Variants in ABLIM1 observed in about 807,000 individuals in gnomAD.
ABLIM1 encodes actin-binding LIM protein 1.
In ABLIM1, 40 loss-of-function variants were observed where a neutral mutation model predicts 107.0. The ratio of observed to expected loss-of-function variants is 0.37; its 90% CI spans 0.29 to 0.49. The LOEUF (loss-of-function observed/expected upper bound fraction) is 0.49, where lower values mean the gene tolerates loss of function less well. Ranked by LOEUF, ABLIM1 falls within the 20% of genes least tolerant of loss-of-function variation. ABLIM1 has a pLI of 0.97. For missense variants in ABLIM1, 857 were observed against 1,008.5 expected (o/e 0.85, Z 2.04); for synonymous variants, 357 against 357.3 (o/e 1.00, Z 0.01).
In ABLIM1 at chr10:114,690,486, C is replaced by T. The variant is rs190147811; in HGVS notation, c.-213+77575G>A. The T allele has an allele frequency of 2.4e-5, 37 of 1,566,128 alleles. No individual in the cohort carries two copies. In the East Asian group the frequency reaches 4.0e-4, roughly 17 times the overall value. On this transcript the variant is annotated intron_variant, in intron 1 of 15. Transcript: ENST00000651092. ...AAACCCTGGAATAATTCTGTGAAAG[C>T]GGGAGCCCTTACAACCAAATCCTTT...
the ABLIM1 span, among the ~76,000 whole-genome samples, chr10:114,783,898 C>A: frequency 5.9e-5 from 9 of 151,908 alleles, no homozygotes; most frequent in African/African-American, 2.2e-4. Flanking sequence ...TGAGAGGGAG[C>A]ATAAAATAAA....
At chr10:114,571,844 TGGG>T (rs2071727422) in intron 3 of ABLIM1, among the ~76,000 whole-genome samples, 1 of 152,194 alleles carries the variant, frequency 6.6e-6, no homozygotes. Context: ...TTCAGTTCCC[TGGG>T]ACCGTGCCTA....
intron 7 of ABLIM1, among the ~76,000 whole-genome samples, chr10:114,491,012 G>GTGTGTATATATATA: frequency 2.8e-3 from 261 of 92,344 alleles, no homozygotes; most frequent in Middle Eastern, 0.011. Context: ...GTGTGTGTGT[G>GTGTGTATATATATA]TATATATATA....
At chr10:114,525,805 C>A (rs1311599877) in intron 6 of ABLIM1, among the ~76,000 whole-genome samples, 2 of 152,206 alleles carry the variant, frequency 1.3e-5, no homozygotes, top group Non-Finnish European at 2.9e-5. Context: ...CGACCACACT[C>A]CTGCTGGCTT....
chr10:114,630,421 AC>A (rs569172400), intron 1 of ABLIM1, among the ~76,000 whole-genome samples: 134 of 152,252 alleles, frequency 8.8e-4, no homozygotes, highest in East Asian at 7.7e-4. Context: ...TATTAGAAGC[AC>A]CTTTATTCAC....
chr10:114,694,861 C>T (rs1035141862), intron 1 of ABLIM1, among the ~76,000 whole-genome samples: 2 of 152,182 alleles, frequency 1.3e-5, no homozygotes, highest in Non-Finnish European at 1.5e-5. Flanking sequence ...ATAGCTAGCT[C>T]TACCATCTTC....
chr10:114,522,262 TTTAGAA>T (rs1466461849), intron 6 of ABLIM1, among the ~76,000 whole-genome samples: 5 of 152,210 alleles, frequency 3.3e-5, no homozygotes, highest in African/African-American at 1.2e-4. Flanking sequence ...TTCCTCATGC[TTTAGAA>T]CTCTTTTCAA....
chr10:114,507,906 TC>T (rs1311862443), intron 6 of ABLIM1, among the ~76,000 whole-genome samples: 1 of 152,144 alleles, frequency 6.6e-6, no homozygotes, highest in Admixed American at 6.5e-5. Flanking sequence ...AGTAAAGGCA[TC>T]CAGGTACTCC....
intron 1 of ABLIM1, among the ~76,000 whole-genome samples, chr10:114,747,043 T>C (rs1220140883): frequency 6.6e-6 from 1 of 152,236 alleles, no homozygotes; most frequent in Admixed American, 6.5e-5. Flanking sequence ...ATAGATTGTT[T>C]CTTCACTCTG....
In ABLIM1 at chr10:114,730,794, T is replaced by G. The variant is rs564148004; in HGVS notation, c.-213+37267A>C. Among the ~76,000 whole-genome samples, 5 of 152,228 alleles carry G rather than the reference T, an allele frequency of 3.3e-5. No individual in the cohort carries two copies. The East Asian group carries it at 9.7e-4, about 29-fold the overall frequency. On this transcript the variant is annotated intron_variant, in intron 1 of 15. Coordinates refer to the ABLIM1 transcript ENST00000651092. ...ATTTCATCACACCAAAATAAAACCT[T>G]GTGTCCATTTGCAGTCACTCCTCAT...
At chr10:114,579,982 G>A (rs143709458) in intron 2 of ABLIM1, among the ~76,000 whole-genome samples, 150 of 152,132 alleles carry the variant, frequency 9.9e-4, no homozygotes, top group Non-Finnish European at 1.8e-3. Context: ...AGACTAGATC[G>A]GTGTTGGACA....
intron 1 of ABLIM1, among the ~76,000 whole-genome samples, chr10:114,638,858 G>T (rs2078607408): frequency 6.6e-6 from 1 of 152,084 alleles, no homozygotes; most frequent in African/African-American, 2.4e-5. Flanking sequence ...CATAACCTTG[G>T]TCTGTGGCAC....
intron 4 of ABLIM1, among the ~76,000 whole-genome samples, chr10:114,558,993 A>G (rs1295546821): frequency 1.3e-5 from 2 of 151,242 alleles, no homozygotes; most frequent in Non-Finnish European, 2.9e-5. Context: ...TATAGAATGA[A>G]CCATCACCCT....
rs2059267063 is a variant in ABLIM1, at chr10:114,435,349, G to T, written c.*911C>A. ...TCAGTAGGACATGGGACTTGTTTTT[G>T]TTTTTTGCTTTTTGGTTTTTTTTGG... On this transcript the variant is annotated 3_prime_UTR_variant, in exon 23 of 23. Transcript: ENST00000533213. The T allele has an allele frequency of 6.6e-6, 1 of 152,166 alleles. No individual in the cohort carries two copies. The highest frequency in any genetic ancestry group is 1.5e-5 in the Non-Finnish European group (1 of 68,030). The allele number at this position is 152,166 out of a possible 1,614,324, so 9.4% of individuals were successfully genotyped here.
chr10:114,499,861 C>T (rs73353743), intron 6 of ABLIM1, among the ~76,000 whole-genome samples: 3 of 152,106 alleles, frequency 2.0e-5, no homozygotes, highest in Non-Finnish European at 1.5e-5. Context: ...AGCTTTTTTG[C>T]GTCTACTGGT....
At chr10:114,795,104 A>G in the ABLIM1 span, among the ~76,000 whole-genome samples, 1 of 152,178 alleles carries the variant, frequency 6.6e-6, no homozygotes, top group Non-Finnish European at 1.5e-5. Flanking sequence ...TCATATAATC[A>G]CATTTTTTAA....
At chr10:114,689,000 C>T (rs529176391), upstream of ABLIM1, among the ~76,000 whole-genome samples, 1 of 152,308 alleles carries the variant, frequency 6.6e-6, no homozygotes, top group Admixed American at 6.5e-5. Context: ...TTCTGAGTCA[C>T]ATTCTGCTTT....
At chr10:114,518,561 C>G (rs1226737739) in intron 6 of ABLIM1, among the ~76,000 whole-genome samples, 2 of 151,650 alleles carry the variant, frequency 1.3e-5, no homozygotes, top group African/African-American at 4.8e-5. Context: ...TTACCTGATA[C>G]CAAGATTGGC....
intron 12 of ABLIM1, among the ~76,000 whole-genome samples, chr10:114,459,517 T>C (rs1488391113): frequency 6.6e-6 from 1 of 152,136 alleles, no homozygotes; most frequent in Admixed American, 6.5e-5. Flanking sequence ...ACTAGGCTTT[T>C]AAAGCAATAT....
Sources: gnomAD v4.1 joint callset for allele counts (sites outside exome capture counted in the v4.1 genomes callset) on GRCh38, gnomAD v4.1.1 for gene constraint, MANE v1.5 for transcripts, NCBI Gene and HGNC (gene_info 2026-07-23, HGNC 2026-07-21) for gene names.